Variants in PRKG1 observed in about 807,000 individuals in gnomAD.
PRKG1 encodes the protein cGMP-dependent protein kinase 1.
PRKG1 carries 35 observed loss-of-function variants against 88.1 expected under a neutral mutation model. That is an observed-to-expected ratio of 0.40 (90% CI 0.30 to 0.53). The LOEUF (loss-of-function observed/expected upper bound fraction) is 0.53. Among genes scored for constraint, PRKG1 ranks in the 20% least tolerant of loss-of-function variants. The pLI is 0.59. For missense variants in PRKG1, 540 were observed against 839.8 expected, an observed-to-expected ratio of 0.64 and a Z score of 4.41; for synonymous variants, 303 against 292.5, an observed-to-expected ratio of 1.04 and a Z score of -0.37.
At chr10:51,799,793 A>G (rs2132601702) in intron 3 of PRKG1, among the ~76,000 whole-genome samples, 1 of 152,146 alleles carries the variant, frequency 6.6e-6, no homozygotes, top group South Asian at 2.1e-4. Context: ...TTCCTCCAGG[A>G]CTTGCTTAGA....
At chr10:51,414,787 G>A (rs1838193688) in intron 2 of PRKG1, among the ~76,000 whole-genome samples, 1 of 151,988 alleles carries the variant, frequency 6.6e-6, no homozygotes, top group South Asian at 2.1e-4. Flanking sequence ...ACAATATTAT[G>A]ATTCTACACT....
intron 5 of PRKG1, among the ~76,000 whole-genome samples, chr10:52,021,001 C>T (rs1845169186): frequency 6.6e-6 from 1 of 152,148 alleles, no homozygotes; most frequent in South Asian, 2.1e-4. Context: ...GCCAAACTGT[C>T]ACCTGACATT....
At chr10:51,841,841 C>A (rs910979720) in intron 4 of PRKG1, among the ~76,000 whole-genome samples, 1 of 152,124 alleles carries the variant, frequency 6.6e-6, no homozygotes, top group Non-Finnish European at 1.5e-5. Context: ...CACCTCCAGG[C>A]CTGGCTAATT....
intron 3 of PRKG1, among the ~76,000 whole-genome samples, chr10:51,709,618 G>A (rs575921374): frequency 9.9e-4 from 151 of 152,320 alleles, no homozygotes; most frequent in African/African-American, 3.4e-3. Flanking sequence ...TAGCCCTTGA[G>A]GGGTCTAGGA....
At chr10:51,596,121 G>C (rs1340770090) in intron 3 of PRKG1, among the ~76,000 whole-genome samples, 1 of 152,036 alleles carries the variant, frequency 6.6e-6, no homozygotes, top group South Asian at 2.1e-4. Context: ...GAGTCACCTC[G>C]CCTGGCCCTT....
chr10:51,156,006 A>G (rs1364364549), intron 2 of PRKG1, among the ~76,000 whole-genome samples: 1 of 151,936 alleles, frequency 6.6e-6, no homozygotes, highest in Non-Finnish European at 1.5e-5. Context: ...CTTGGCACCC[A>G]TACATATCTT....
chr10:52,288,239 G>A (rs1334570455), intron 14 of PRKG1, among the ~76,000 whole-genome samples: 2 of 152,226 alleles, frequency 1.3e-5, no homozygotes, highest in Middle Eastern at 3.4e-3. Context: ...GACCAAATAA[G>A]TAACACCATG....
At chr10:52,145,516 T>C (rs1837707196) in intron 8 of PRKG1, among the ~76,000 whole-genome samples, 1 of 152,194 alleles carries the variant, frequency 6.6e-6, no homozygotes, top group South Asian at 2.1e-4. Context: ...GGCTGTTTAT[T>C]TGAGGAGACG....
chr10:51,093,270 T>C lies in PRKG1; in HGVS notation c.311+18369T>C, dbSNP rs79707575. On this transcript the variant is annotated intron_variant, in intron 1 of 17. Transcript: ENST00000373980. ...TAGCAATCTGTATTTTAACCACCCATCTAGGTGATTCTGACGTGCCTTAAA... is the reference window on the plus strand; with the variant it reads ...TAGCAATCTGTATTTTAACCACCCACCTAGGTGATTCTGACGTGCCTTAAA... Among the ~76,000 whole-genome samples the C allele has an allele frequency of 5.6e-3, 860 of 152,252 alleles. 6 individuals are homozygous for C. Among genetic ancestry groups the C allele is most frequent in the African/African-American group, 0.02 (816 of 41,560 alleles).
chr10:51,404,535 C>A (rs1170937613), intron 2 of PRKG1, among the ~76,000 whole-genome samples: 1 of 152,190 alleles, frequency 6.6e-6, no homozygotes, highest in Non-Finnish European at 1.5e-5. Context: ...TCTGTGAATG[C>A]AAAAGTCAAT....
At chr10:51,192,577 C>G (rs1332679818) in intron 2 of PRKG1, among the ~76,000 whole-genome samples, 2 of 151,500 alleles carry the variant, frequency 1.3e-5, no homozygotes, top group Non-Finnish European at 2.9e-5. Context: ...GGAAAGTGAG[C>G]CTGAAGAGGA....
Position 52,293,881 on chromosome 10 carries a change from G to C in PRKG1, c.2042G>C (p.Gly681Ala), listed in dbSNP as rs750949508. 1.4e-5 allele frequency: 22 copies of C among 1,611,448 alleles called. No individual in the cohort carries two copies. The highest frequency in any genetic ancestry group is 1.8e-5 in the Non-Finnish European group (21 of 1,177,910). The change falls in exon 18 of 18, where the codon GGA becomes GCA. Residue 681 changes from glycine to alanine, a missense_variant. Gly to Ala is a moderately conservative substitution (Grantham distance 60). This residue lies in a region of PRKG1 where 26 missense variants were observed against 18.4 expected (regional missense o/e 1.41). Transcript: ENST00000373980. ...GAACCACCACCTGATGACAACTCAGGATGGGATATAGACTTCTAATGTATT... is the reference window on the plus strand; with the variant it reads ...GAACCACCACCTGATGACAACTCAGCATGGGATATAGACTTCTAATGTATT... ...NDEPPPDDNS[G>A]WDIDF
intron 3 of PRKG1, among the ~76,000 whole-genome samples, chr10:51,690,723 C>T (rs1173808256): frequency 3.3e-5 from 5 of 151,842 alleles, no homozygotes; most frequent in African/African-American, 9.7e-5. Context: ...GTCCAGAGAT[C>T]GAGGCCATCC....
chr10:51,567,056 C>A (rs958063531), intron 3 of PRKG1, among the ~76,000 whole-genome samples: 1 of 151,932 alleles, frequency 6.6e-6, no homozygotes, highest in African/African-American at 2.4e-5. Flanking sequence ...AGTTGTTCAT[C>A]TTAAATAATT....
At chr10:51,558,849 A>G (rs1255204869) in intron 3 of PRKG1, among the ~76,000 whole-genome samples, 3 of 152,112 alleles carry the variant, frequency 2.0e-5, no homozygotes, top group Non-Finnish European at 4.4e-5. Flanking sequence ...AGACAGATCA[A>G]TGAACTGAAG....
At chr10:52,070,858 G>A (rs567421380) in intron 7 of PRKG1, among the ~76,000 whole-genome samples, 8 of 152,294 alleles carry the variant, frequency 5.3e-5, no homozygotes, top group South Asian at 2.1e-4. Context: ...AAAGTGCTTA[G>A]GAGTGTGAGC....
intron 5 of PRKG1, among the ~76,000 whole-genome samples, chr10:52,015,132 C>T (rs1457937075): frequency 1.3e-5 from 2 of 152,238 alleles, no homozygotes; most frequent in African/African-American, 4.8e-5. Context: ...TCCTACATTT[C>T]CCTTCTGCAT....
intron 3 of PRKG1, among the ~76,000 whole-genome samples, chr10:51,767,423 A>G (rs1461557023): frequency 6.6e-6 from 1 of 152,188 alleles, no homozygotes; most frequent in Non-Finnish European, 1.5e-5. Flanking sequence ...ATTTATAGAT[A>G]AAGGCTATCT....
intron 2 of PRKG1, among the ~76,000 whole-genome samples, chr10:51,360,367 C>G (rs1842453839): frequency 6.6e-6 from 1 of 151,912 alleles, no homozygotes; most frequent in Non-Finnish European, 1.5e-5. Context: ...TAAAAGACAT[C>G]AGCCTCCAGC....
Sources: allele counts gnomAD v4.1 joint callset (sites outside exome capture counted in the v4.1 genomes callset), GRCh38; gene constraint gnomAD v4.1.1; regional missense constraint gnomAD v4.1.1; transcripts MANE v1.5; gene names NCBI Gene and HGNC (gene_info 2026-07-23, HGNC 2026-07-21).